Variants in COL11A1 observed in about 807,000 individuals in gnomAD.
COL11A1 encodes collagen alpha-1(XI) chain.
Under a neutral mutation model 265.2 loss-of-function variants are expected in COL11A1, and 74 were observed. That is an observed-to-expected ratio of 0.28 (90% CI 0.23 to 0.34). COL11A1 has a LOEUF of 0.34. Among genes scored for constraint, COL11A1 ranks in the 10% least tolerant of loss-of-function variants. COL11A1 has a pLI of 1.00. For missense variants in COL11A1, 2,165 were observed against 2,263.6 expected (o/e 0.96, Z 0.88); for synonymous variants, 816 against 727.6 (o/e 1.12, Z -1.96).
rs573192714 is a variant in COL11A1 at position 103,107,961 on chromosome 1, C to CT, written c.106+111dup. On this transcript the variant is annotated intron_variant, in intron 1 of 66. Coordinates refer to ENST00000370096, the MANE Select transcript of COL11A1 (RefSeq NM_001854.4). ...ATCTGGATTGTATTTAAGGGAATTG[C>CT]TTTTTTTTTTTTTTCTTGAAGAGCG... is the stretch of plus-strand genomic sequence containing the variant. 56,275 of 672,716 alleles carry CT rather than the reference C, an allele frequency of 0.084. 110 individuals carry two copies. Among genetic ancestry groups the CT allele is most frequent in the South Asian group, 0.094 (5,466 of 58,004 alleles). 41.7% of individuals were successfully genotyped at this position (672,716 alleles called of 1,614,324 possible). A position where few individuals can be genotyped will look rare whatever the true frequency, so the allele number is the denominator to read the frequency against.
chr1:103,008,555 A>G (rs766467138), intron 14 of COL11A1, 39 bp from the exon 15 acceptor site: 1 of 1,557,278 alleles, frequency 6.4e-7, no homozygotes, highest in Admixed American at 1.7e-5. Context: ...TTAATTTAGC[A>G]ATTTCCTAAC....
At chr1:103,058,622 G>C (rs1670416981) in intron 4 of COL11A1, among the ~76,000 whole-genome samples, 1 of 151,896 alleles carries the variant, frequency 6.6e-6, no homozygotes, top group South Asian at 2.1e-4. Flanking sequence ...ACACACATAG[G>C]TCATTGTGGG....
intron 4 of COL11A1, among the ~76,000 whole-genome samples, chr1:103,039,154 C>G (rs1286491993): frequency 6.6e-6 from 1 of 152,150 alleles, no homozygotes; most frequent in Non-Finnish European, 1.5e-5. Flanking sequence ...TATTTTTGAA[C>G]TGTATCTCTC....
At chr1:103,074,565 A>T (rs1671825751) in intron 4 of COL11A1, 53 bp downstream of exon 4, 12 of 1,594,010 alleles carry the variant, frequency 7.5e-6, no homozygotes, top group Non-Finnish European at 1.0e-5. Flanking sequence ...ACTGTTGTTA[A>T]CCCAGTTCAT....
chr1:103,003,229 C>G lies in COL11A1; in HGVS notation c.1984G>C (p.Ala662Pro). The G allele has an allele frequency of 6.2e-7, 1 of 1,613,574 alleles. No homozygotes were observed. The highest frequency in any genetic ancestry group is 8.5e-7 in the Non-Finnish European group (1 of 1,179,846). ...GLLGPRGTPG[A>P]PGQPGMAGVD... ...GCAATACATACAGGCTGCCCTGGAG[C>G]TCCTGGAGTTCCCCTTGGACCCAGC... The change falls in exon 21 of 67, where the codon GCT (alanine) becomes CCT (proline). Residue 662 changes from alanine (A) to proline (P), a missense_variant. Transcript: ENST00000370096.
chr1:103,035,742 G>T (rs539732696), intron 4 of COL11A1, among the ~76,000 whole-genome samples: 1 of 151,934 alleles, frequency 6.6e-6, no homozygotes, highest in Admixed American at 6.6e-5. Flanking sequence ...AGTATTATTA[G>T]TACTTCTAAA....
At chr1:102,978,093 T>A (rs189848937) in intron 35 of COL11A1, among the ~76,000 whole-genome samples, 1 of 152,276 alleles carries the variant, frequency 6.6e-6, no homozygotes, top group African/African-American at 2.4e-5. Context: ...ATACAGATTA[T>A]AATACTTAAA....
rs36076089 is a variant in COL11A1, at chr1:103,031,249, G to GAA, written c.652-7_652-6dup. 2,628 of 1,361,464 alleles carry GAA rather than the reference G, an allele frequency of 1.9e-3. 7 individuals are homozygous for GAA. In the East Asian group the frequency reaches 0.024, roughly 13 times the overall value. 84.3% of individuals were successfully genotyped at this position (1,361,464 alleles called of 1,614,324 possible). A position where few individuals can be genotyped will look rare whatever the true frequency, so the allele number is the denominator to read the frequency against. On this transcript the variant is annotated splice_polypyrimidine_tract_variant and splice_region_variant and intron_variant, in intron 4 of 66. Transcript: ENST00000370096. ...CAAAAACTGCTGAATGTCCCCCTGGGAAAAAAAAAAAAACAAAAACAAACA... is the reference window on the plus strand; with the variant it reads ...CAAAAACTGCTGAATGTCCCCCTGGGAAAAAAAAAAAAAAACAAAAACAAACA...
chr1:103,021,669 T>G, intron 9 of COL11A1, 38 bp downstream of exon 9: 1 of 1,418,156 alleles, frequency 7.1e-7, no homozygotes, highest in Non-Finnish European at 1.0e-6. Flanking sequence ...CATAAGCAAT[T>G]TTACCAACCT....
chr1:102,975,321 T>C (rs1255143670), intron 35 of COL11A1, among the ~76,000 whole-genome samples: 1 of 151,824 alleles, frequency 6.6e-6, no homozygotes, highest in Non-Finnish European at 1.5e-5. Context: ...CCCTGTTCTG[T>C]ATCTAGCCGT....
At chr1:102,968,011 AC>A (rs1661612908) in intron 37 of COL11A1, among the ~76,000 whole-genome samples, 1 of 152,210 alleles carries the variant, frequency 6.6e-6, no homozygotes, top group African/African-American at 2.4e-5. Context: ...AAGCTGGAAG[AC>A]AGCATTGCCC....
intron 4 of COL11A1, among the ~76,000 whole-genome samples, chr1:103,067,261 T>G (rs1183977496): frequency 6.6e-6 from 1 of 151,906 alleles, no homozygotes; most frequent in Non-Finnish European, 1.5e-5. Flanking sequence ...CAAACCTCAA[T>G]AAATCTAAAT....
At chr1:102,923,697 A>G (rs1466113817) in intron 46 of COL11A1, among the ~76,000 whole-genome samples, 1 of 152,140 alleles carries the variant, frequency 6.6e-6, no homozygotes, top group Non-Finnish European at 1.5e-5. Flanking sequence ...AGTCCCGTAC[A>G]AATAATATAT....
intron 4 of COL11A1, among the ~76,000 whole-genome samples, 195 bp downstream of exon 4, chr1:103,074,423 T>C (rs1188185747): frequency 6.6e-6 from 1 of 152,082 alleles, no homozygotes; most frequent in Non-Finnish European, 1.5e-5. Flanking sequence ...GGCGTTACGG[T>C]CACCATTGTC....
intron 11 of COL11A1, among the ~76,000 whole-genome samples, 181 bp from the exon 12 acceptor site, chr1:103,015,923 GAT>G (rs1666530585): frequency 6.6e-6 from 1 of 151,920 alleles, no homozygotes; most frequent in African/African-American, 2.4e-5. Context: ...AGTTTTAGAT[GAT>G]TTTAATAATG....
At chr1:103,064,103 G>A (rs746860179) in intron 4 of COL11A1, among the ~76,000 whole-genome samples, 26 of 152,126 alleles carry the variant, frequency 1.7e-4, no homozygotes, top group Admixed American at 1.4e-3. Flanking sequence ...ACAAACTCTC[G>A]TTCCTTGCTG....
intron 54 of COL11A1, among the ~76,000 whole-genome samples, chr1:102,908,137 A>G (rs1346200096): frequency 2.0e-5 from 3 of 152,118 alleles, no homozygotes. Context: ...AATTTCTGGT[A>G]CACACTTTCC....
intron 1 of COL11A1, among the ~76,000 whole-genome samples, chr1:103,089,252 C>A (rs947270538): frequency 2.0e-5 from 3 of 152,130 alleles, no homozygotes; most frequent in Non-Finnish European, 4.4e-5. Flanking sequence ...GGTTGAAACT[C>A]GGTGGCTTCA....
chr1:102,942,529 C>T (rs1022749273), intron 42 of COL11A1, among the ~76,000 whole-genome samples: 5 of 150,944 alleles, frequency 3.3e-5, no homozygotes, highest in Admixed American at 6.7e-5. Flanking sequence ...TCCTTGTAAC[C>T]GTTCTTTATT....
Sources: gnomAD v4.1 joint callset for allele counts (sites outside exome capture counted in the v4.1 genomes callset) on GRCh38, gnomAD v4.1.1 for gene constraint, MANE v1.5 for transcripts, NCBI Gene and HGNC (gene_info 2026-07-23, HGNC 2026-07-21) for gene names.